The following AGAP1 variants were observed in gnomAD, a reference collection of about 807,000 sequenced individuals.
The protein encoded by AGAP1 is arf-GAP with GTPase, ANK repeat and PH domain-containing protein 1.
In AGAP1, 29 loss-of-function variants were observed where a neutral mutation model predicts 105.3. That is an observed-to-expected ratio of 0.28 (90% confidence interval 0.21 to 0.38). The LOEUF (loss-of-function observed/expected upper bound fraction) is 0.38. Ranked by LOEUF, AGAP1 falls within the 10% of genes least tolerant of loss-of-function variation. The probability of loss-of-function intolerance (pLI) is 1.00; values close to 1 mark genes in which losing one functional copy is unlikely to be tolerated. For missense variants in AGAP1, 998 were observed against 1,165.1 expected (o/e 0.86, Z 2.09); for synonymous variants, 509 against 485.9 (o/e 1.05, Z -0.63).
intron 8 of AGAP1, among the ~76,000 whole-genome samples, chr2:235,802,370 T>C (rs568206953): frequency 4.7e-4 from 71 of 152,326 alleles, no homozygotes; most frequent in Non-Finnish European, 7.6e-4. Flanking sequence ...ATGTGTCACA[T>C]AATATAATGG....
intron 2 of AGAP1, 78 bp downstream of exon 2, chr2:235,709,315 A>G (rs373756845): frequency 1.8e-5 from 27 of 1,503,826 alleles, no homozygotes; most frequent in African/African-American, 1.8e-4. Flanking sequence ...TTCCCAGGCA[A>G]CTGGTCATCG....
intron 1 of AGAP1, among the ~76,000 whole-genome samples, chr2:235,605,650 A>G (rs1231840572): frequency 6.6e-6 from 1 of 152,254 alleles, no homozygotes; most frequent in African/African-American, 2.4e-5. Context: ...GCACAGAAAA[A>G]TTTAAGCATT....
chr2:236,078,199 C>T lies in AGAP1; in HGVS notation c.2114+28918C>T, dbSNP rs535831540. ...GTATATGTATGTGTGTGTGTCACATCTGAAGTGTGTAGTGCAGGCCGGCGT... is the reference window on the plus strand; with the variant it reads ...GTATATGTATGTGTGTGTGTCACATTTGAAGTGTGTAGTGCAGGCCGGCGT... On this transcript the variant is annotated intron_variant, in intron 16 of 17. Transcript: ENST00000304032. This position sits in a 1 kb window ranked among gnomAD's most constrained non-coding sequence, Gnocchi z 5.3. 6.6e-6 allele frequency among the ~76,000 whole-genome samples: 1 copy of T among 151,734 alleles called. No individual in the cohort carries two copies. Among genetic ancestry groups the T allele is most frequent in the East Asian group, 1.9e-4 (1 of 5,170 alleles).
intron 11 of AGAP1, among the ~76,000 whole-genome samples, chr2:235,922,613 C>G (rs1189360572): frequency 1.3e-5 from 2 of 152,118 alleles, no homozygotes; most frequent in Admixed American, 1.3e-4. Flanking sequence ...TATGAAAAGC[C>G]ATCATTTCAG....
At chr2:235,986,074 C>T (rs1297790792) in intron 13 of AGAP1, among the ~76,000 whole-genome samples, 1 of 152,182 alleles carries the variant, frequency 6.6e-6, no homozygotes, top group Non-Finnish European at 1.5e-5. Context: ...TGGCCATTTT[C>T]ATGATATTGA....
Position 236,003,280 on chromosome 2 carries a change from G to C in AGAP1, c.1646-33281G>C, listed in dbSNP as rs1023517556. Among the ~76,000 whole-genome samples the C allele has an allele frequency of 6.6e-6, 1 of 152,118 alleles. No homozygotes were observed. Among genetic ancestry groups the C allele is most frequent in the East Asian group, 1.9e-4 (1 of 5,186 alleles). ...GGCTGGTCTCGAACTCCTGGCCTCA[G>C]GTGATCTGCCTGCCTCAGCCTCCCA... On this transcript the variant is annotated intron_variant, in intron 13 of 17. Transcript: ENST00000304032. The surrounding 1 kb of genome is among the most constrained non-coding windows in gnomAD (Gnocchi z 4.2).
At position 235,596,722 on chromosome 2, in the gene AGAP1, C is replaced by T. The variant is rs892228681; in HGVS notation, c.163+101873C>T. On this transcript the variant is annotated intron_variant, in intron 1 of 17. Transcript: ENST00000304032. The surrounding 1 kb of genome is among the most constrained non-coding windows in gnomAD (Gnocchi z 5.9). Reference sequence around the variant, plus strand: ...GGAGGTCAATCAGCTTTCACTCTTCCTCTCTTGTGCCCCAGTCCTAGTGAT... The same window carrying T: ...GGAGGTCAATCAGCTTTCACTCTTCTTCTCTTGTGCCCCAGTCCTAGTGAT... 3.9e-5 allele frequency among the ~76,000 whole-genome samples: 6 copies of T among 152,200 alleles called. No homozygotes were observed. Among genetic ancestry groups the T allele is most frequent in the Non-Finnish European group, 7.3e-5 (5 of 68,038 alleles).
At chr2:235,527,018 C>G (rs1016327724) in intron 1 of AGAP1, among the ~76,000 whole-genome samples, 1 of 152,290 alleles carries the variant, frequency 6.6e-6, no homozygotes, top group African/African-American at 2.4e-5. Context: ...CACTGGCAAA[C>G]TTGGAGTCTT....
chr2:235,657,440 G>A (rs1053572058), intron 1 of AGAP1, among the ~76,000 whole-genome samples: 10 of 152,082 alleles, frequency 6.6e-5, no homozygotes, highest in African/African-American at 1.9e-4. Context: ...GTGTAATGGC[G>A]CCACCTCGGC....
intron 1 of AGAP1, chr2:235,670,392 G>A (rs1948327564): frequency 1.8e-6 from 1 of 564,650 alleles, no homozygotes; most frequent in South Asian, 1.9e-5. Flanking sequence ...TTCCGCACCC[G>A]CAGCACCGGG....
At chr2:235,683,906 T>C (rs1364673824) in intron 1 of AGAP1, among the ~76,000 whole-genome samples, 3 of 150,778 alleles carry the variant, frequency 2.0e-5, no homozygotes, top group African/African-American at 7.4e-5. Flanking sequence ...GTCCATGTCT[T>C]CTCATTTTTC....
At chr2:236,075,973 G>T (rs893624408) in intron 16 of AGAP1, among the ~76,000 whole-genome samples, 43 of 152,214 alleles carry the variant, frequency 2.8e-4, no homozygotes, top group Non-Finnish European at 5.9e-5. Flanking sequence ...CCGGGGCAGC[G>T]TGGGTCACCC....
chr2:235,592,056 AGCAAC>A (rs1172032671), intron 1 of AGAP1, among the ~76,000 whole-genome samples: 28 of 152,360 alleles, frequency 1.8e-4, no homozygotes, highest in Non-Finnish European at 1.5e-5. Flanking sequence ...ATTCCTTTAT[AGCAAC>A]GCAAGAACAG....
chr2:236,054,048 G>A (rs917851443), intron 16 of AGAP1, among the ~76,000 whole-genome samples: 2 of 152,170 alleles, frequency 1.3e-5, no homozygotes, highest in African/African-American at 2.4e-5. Context: ...AGAAATCCAC[G>A]TGGGAGAGAC....
chr2:235,541,262 C>T (rs145984121), intron 1 of AGAP1, among the ~76,000 whole-genome samples: 268 of 151,892 alleles, frequency 1.8e-3, no homozygotes, highest in African/African-American at 6.0e-3. Flanking sequence ...GCTGAGGAGA[C>T]GTTTTACAAG....
In AGAP1 at chr2:235,720,693, G is replaced by C. The variant is rs780535968; in HGVS notation, c.310+3049G>C. 1.0e-5 allele frequency: 10 copies of C among 985,386 alleles called. No homozygotes were observed. Among genetic ancestry groups the C allele is most frequent in the Non-Finnish European group, 1.2e-5 (10 of 829,904 alleles). 61.0% of individuals were successfully genotyped at this position (985,386 alleles called of 1,614,324 possible). On this transcript the variant is annotated intron_variant, in intron 3 of 17. Transcript: ENST00000304032. The surrounding 1 kb of genome is among the most constrained non-coding windows in gnomAD (Gnocchi z 5.0). ...CTGCGCTTCTTAATGTCTGTGCCCT[G>C]TTCTTCTGATTTAATTAGTGCGTGA...
intron 1 of AGAP1, among the ~76,000 whole-genome samples, chr2:235,591,862 C>G (rs377741996): frequency 6.7e-6 from 1 of 150,040 alleles, no homozygotes. Context: ...CCCCACCCCC[C>G]ACCACTTCTC....
intron 15 of AGAP1, among the ~76,000 whole-genome samples, chr2:236,041,158 T>C (rs555494525): frequency 6.6e-6 from 1 of 152,012 alleles, no homozygotes; most frequent in South Asian, 2.1e-4. Context: ...GCCCAGGAAT[T>C]CAAGACGAGC....
At chr2:235,527,058 C>T (rs1170209601) in intron 1 of AGAP1, among the ~76,000 whole-genome samples, 2 of 152,130 alleles carry the variant, frequency 1.3e-5, no homozygotes, top group Non-Finnish European at 2.9e-5. Flanking sequence ...AAAAGTGAAA[C>T]AGTAGTTGCT....
Sources: gnomAD v4.1 joint callset for allele counts (sites outside exome capture counted in the v4.1 genomes callset) on GRCh38, gnomAD v4.1.1 for gene constraint, Gnocchi (gnomAD v3.1) non-coding constraint, MANE v1.5 for transcripts, NCBI Gene and HGNC (gene_info 2026-07-23, HGNC 2026-07-21) for gene names.